TIMP2: variants seen among roughly 807,000 people sequenced by gnomAD.
TIMP2 encodes TIMP metallopeptidase inhibitor 2, also known as metalloproteinase inhibitor 2.
Under a neutral mutation model 24.3 loss-of-function variants are expected in TIMP2, and 5 were observed. That is an observed-to-expected ratio of 0.21 (90% CI 0.11 to 0.43). TIMP2 has a LOEUF of 0.43. TIMP2 is among the 20% of genes least tolerant of loss of function. The pLI is 1.00. For missense variants in TIMP2, 221 were observed against 297.5 expected (o/e 0.74, Z 1.89); for synonymous variants, 130 against 123.2 (o/e 1.06, Z -0.37).
chr17:78,889,781 C>T (rs1440724368), intron 1 of TIMP2, among the ~76,000 whole-genome samples: 1 of 152,126 alleles, frequency 6.6e-6, no homozygotes, highest in Non-Finnish European at 1.5e-5. Context: ...CACACGGGTT[C>T]CTATTTTTGT....
chr17:78,886,665 C>T (rs2069827873), intron 1 of TIMP2, among the ~76,000 whole-genome samples: 1 of 152,156 alleles, frequency 6.6e-6, no homozygotes, highest in Non-Finnish European at 1.5e-5. Flanking sequence ...CTTTGCAACC[C>T]TAGCCCATGA....
At chr17:78,869,093 T>C (rs2069644815) in intron 3 of TIMP2, among the ~76,000 whole-genome samples, 1 of 152,130 alleles carries the variant, frequency 6.6e-6, no homozygotes, top group East Asian at 1.9e-4. Context: ...GAGGAGGCCG[T>C]AGAAGGAAGT....
At chr17:78,862,695 G>A (rs2069577745) in intron 3 of TIMP2, among the ~76,000 whole-genome samples, 1 of 152,224 alleles carries the variant, frequency 6.6e-6, no homozygotes, top group Admixed American at 6.5e-5. Flanking sequence ...AATTTTTTCA[G>A]CCCTTATCCT....
rs887962643 is a variant in TIMP2, at chr17:78,896,882, G to A, written c.131-22963C>T. 1.8e-5 allele frequency: 18 copies of A among 979,928 alleles called. No individual in the cohort carries two copies. In the East Asian group the frequency reaches 6.9e-4, roughly 37 times the overall value. 60.7% of individuals were successfully genotyped at this position (979,928 alleles called of 1,614,324 possible). A position where few individuals can be genotyped will look rare whatever the true frequency, so the allele number is the denominator to read the frequency against. On this transcript the variant is annotated intron_variant, in intron 1 of 4. Coordinates refer to ENST00000262768, the MANE Select transcript of TIMP2 (RefSeq NM_003255.5). The surrounding 1 kb of genome is among the most constrained non-coding windows in gnomAD (Gnocchi z 4.4). ...TGGCAGCTCCACCCCAGACCGATCCGATCCCAGCACCTGGGCCCAGGAATG... is the reference window on the plus strand; with the variant it reads ...TGGCAGCTCCACCCCAGACCGATCCAATCCCAGCACCTGGGCCCAGGAATG...
At chr17:78,863,846 T>C (rs1476133872) in intron 3 of TIMP2, among the ~76,000 whole-genome samples, 1 of 152,080 alleles carries the variant, frequency 6.6e-6, no homozygotes, top group Non-Finnish European at 1.5e-5. Context: ...TCATTTCTGG[T>C]CTCCTACTCC....
chr17:78,868,182 A>G (rs1162978899), intron 3 of TIMP2, among the ~76,000 whole-genome samples: 1 of 152,190 alleles, frequency 6.6e-6, no homozygotes, highest in Non-Finnish European at 1.5e-5. Context: ...GTATATGTTT[A>G]TGATTACAGT....
intron 1 of TIMP2, among the ~76,000 whole-genome samples, chr17:78,893,787 C>G (rs2069956297): frequency 6.6e-6 from 1 of 152,102 alleles, no homozygotes; most frequent in Admixed American, 6.5e-5. Context: ...CAGAGAAGGA[C>G]TCTTCCAGGT....
At chr17:78,865,283 T>C (rs2069601733) in intron 3 of TIMP2, among the ~76,000 whole-genome samples, 1 of 152,066 alleles carries the variant, frequency 6.6e-6, no homozygotes, top group South Asian at 2.1e-4. Flanking sequence ...TTTGGGATGA[T>C]GAAAAACTTC....
chr17:78,908,089 C>G (rs1233352513), intron 1 of TIMP2, among the ~76,000 whole-genome samples: 1 of 151,994 alleles, frequency 6.6e-6, no homozygotes, highest in Non-Finnish European at 1.5e-5. Flanking sequence ...GAGTGGAGAT[C>G]GCACCACTGC....
chr17:78,897,549 C>T (rs1299166053), intron 1 of TIMP2: 1 of 152,212 alleles, frequency 6.6e-6, no homozygotes, highest in Non-Finnish European at 1.5e-5. Flanking sequence ...AATCCACCCA[C>T]AGTGGGTGAC....
chr17:78,913,150 CCAA>C (rs932356081), intron 1 of TIMP2, among the ~76,000 whole-genome samples: 1 of 152,162 alleles, frequency 6.6e-6, no homozygotes, highest in Non-Finnish European at 1.5e-5. Flanking sequence ...CTGGAAAAAG[CCAA>C]CAACATTTTG....
chr17:78,911,962 G>T lies in TIMP2; in HGVS notation c.130+12997C>A, dbSNP rs543762860. ...GCCTGAAATCCCAGCTACTGGGGAG[G>T]CTGAGGCAGGAGAATTGCTTGAAGC... On this transcript the variant is annotated intron_variant, in intron 1 of 4. Coordinates refer to ENST00000262768, the MANE Select transcript of TIMP2 (RefSeq NM_003255.5). Among the ~76,000 whole-genome samples, 6 of 150,880 alleles carry T rather than the reference G, an allele frequency of 4.0e-5. No individual in the cohort carries two copies. The East Asian group carries it at 9.9e-4, about 25-fold the overall frequency.
At chr17:78,894,720 T>C (rs2069970393) in intron 1 of TIMP2, among the ~76,000 whole-genome samples, 1 of 152,096 alleles carries the variant, frequency 6.6e-6, no homozygotes, top group African/African-American at 2.4e-5. Flanking sequence ...TAGGTGTATA[T>C]TCATGACCTT....
chr17:78,873,149 T>C (rs1429643469), intron 2 of TIMP2, among the ~76,000 whole-genome samples: 1 of 152,068 alleles, frequency 6.6e-6, no homozygotes, highest in Non-Finnish European at 1.5e-5. Context: ...TAAATATCGA[T>C]GACTACAACT....
intron 1 of TIMP2, among the ~76,000 whole-genome samples, chr17:78,912,670 A>T (rs998203200): frequency 6.6e-6 from 1 of 152,242 alleles, no homozygotes; most frequent in Admixed American, 6.5e-5. Context: ...AGCAGGGAAC[A>T]GGCAATCCGG....
chr17:78,918,746 C>A (rs1346151537), intron 1 of TIMP2, among the ~76,000 whole-genome samples: 1 of 152,160 alleles, frequency 6.6e-6, no homozygotes, highest in South Asian at 2.1e-4. Context: ...CATCTGTAAT[C>A]CCAGCACTTT....
At chr17:78,917,272 A>AAAAAAAAC (rs2070267914) in intron 1 of TIMP2, among the ~76,000 whole-genome samples, 1 of 140,014 alleles carries the variant, frequency 7.1e-6, no homozygotes, top group African/African-American at 2.7e-5. Flanking sequence ...AAAAAAAAAA[A>AAAAAAAAC]TACAAAAATT....
chr17:78,896,324 C>T lies in TIMP2; in HGVS notation c.131-22405G>A, dbSNP rs536199382. ...AGCCGTTCACCTGTTGCACAGCCTG[C>T]TGGGATGCCTGCCTCTGCCTGTGAT... On this transcript the variant is annotated intron_variant, in intron 1 of 4. Transcript: ENST00000262768. The surrounding 1 kb of genome is among the most constrained non-coding windows in gnomAD (Gnocchi z 4.4). 4.6e-5 allele frequency among the ~76,000 whole-genome samples: 7 copies of T among 152,308 alleles called. No individual in the cohort carries two copies. The East Asian group carries it at 7.7e-4, about 17-fold the overall frequency.
chr17:78,893,430 G>T (rs1217744582), intron 1 of TIMP2, among the ~76,000 whole-genome samples: 1 of 111,320 alleles, frequency 9.0e-6, no homozygotes, highest in Non-Finnish European at 1.7e-5. Context: ...TGTGTGTGCA[G>T]GGGTGTGTGC....
Sources: allele counts gnomAD v4.1 joint callset (sites outside exome capture counted in the v4.1 genomes callset), GRCh38; gene constraint gnomAD v4.1.1; non-coding constraint Gnocchi (gnomAD v3.1); transcripts MANE v1.5; gene names NCBI Gene and HGNC (gene_info 2026-07-23, HGNC 2026-07-21).